ETV6: variants seen among roughly 807,000 people sequenced by gnomAD.
The protein encoded by ETV6 is transcription factor ETV6.
A neutral mutation model predicts 51.1 loss-of-function variants in ETV6; 16 were observed. The observed-to-expected ratio is 0.31, with a 90% CI of 0.21 to 0.48. ETV6 has a LOEUF of 0.48. Ranked by LOEUF, ETV6 falls within the 20% of genes least tolerant of loss-of-function variation. The pLI, the probability that ETV6 is intolerant of heterozygous loss-of-function variation, is 0.99. For synonymous variants in ETV6, 240 were observed against 224.1 expected, an observed-to-expected ratio of 1.07 and a Z score of -0.64; for missense variants, 458 against 594.8, an observed-to-expected ratio of 0.77 and a Z score of 2.39.
At chr12:11,847,855 GA>G (rs1247422526) in intron 3 of ETV6, among the ~76,000 whole-genome samples, 1 of 152,068 alleles carries the variant, frequency 6.6e-6, no homozygotes, top group Non-Finnish European at 1.5e-5. Context: ...ATGTGGACAG[GA>G]AAAAAACTTG....
intron 4 of ETV6, among the ~76,000 whole-genome samples, chr12:11,854,641 G>A (rs574774445): frequency 2.2e-4 from 33 of 152,302 alleles, no homozygotes; most frequent in African/African-American, 7.7e-4. Context: ...ACAATGATCA[G>A]CATTTTGTCA....
chr12:11,847,328 A>G (rs61278692), intron 3 of ETV6, among the ~76,000 whole-genome samples: 2,238 of 152,290 alleles, frequency 0.015, 59 homozygotes, highest in African/African-American at 0.052. Flanking sequence ...TGGTGCCTAT[A>G]TGACCTCCAG....
chr12:11,670,132 A>G (rs1206651220), intron 1 of ETV6, among the ~76,000 whole-genome samples: 3 of 151,684 alleles, frequency 2.0e-5, no homozygotes, highest in Admixed American at 6.6e-5. Context: ...TATTCTTGTA[A>G]TTAGAGATTA....
Position 11,749,864 on chromosome 12 carries a change from A to G in ETV6, c.34-2586A>G, listed in dbSNP as rs140390669. 4.6e-4 allele frequency among the ~76,000 whole-genome samples: 70 copies of G among 152,322 alleles called. 2 individuals are homozygous for G. The highest frequency in any genetic ancestry group is 1.6e-3 in the African/African-American group (65 of 41,570). ...CTACTAGAAGAGTGCTCGGGGCCCT[A>G]GAAGCACATTGTGCATTTGTCCGTC... On this transcript the variant is annotated intron_variant, in intron 1 of 7. Transcript: ENST00000396373.
rs1212820866 is a variant in ETV6 at position 11,894,135 on chromosome 12, C to CTCAA, written c.*3093_*3096dup. 1 of 230,906 alleles carries CTCAA rather than the reference C, an allele frequency of 4.3e-6. No homozygotes were observed. Among genetic ancestry groups the CTCAA allele is most frequent in the African/African-American group, 2.2e-5 (1 of 45,170 alleles). 14.3% of individuals were successfully genotyped at this position (230,906 alleles called of 1,614,324 possible). A position where few individuals can be genotyped will look rare whatever the true frequency, so the allele number is the denominator to read the frequency against. On this transcript the variant is annotated 3_prime_UTR_variant, in exon 8 of 8. Transcript: ENST00000396373. ...CTGCTGGACACTGAGGGACCCAAAGCTCAATCAGCCATAATCCCTGCTTTC... is the reference window on the plus strand; with the variant it reads ...CTGCTGGACACTGAGGGACCCAAAGCTCAATCAATCAGCCATAATCCCTGCTTTC...
intron 1 of ETV6, 104 bp from the exon 2 acceptor site, chr12:11,752,346 C>A (rs1866046834): frequency 8.1e-7 from 1 of 1,237,212 alleles, no homozygotes; most frequent in Non-Finnish European, 1.1e-6. Context: ...ACTGCCCATG[C>A]CCCGCCTCCC....
chr12:11,799,679 C>T (rs1055045192), intron 2 of ETV6, among the ~76,000 whole-genome samples: 4 of 152,206 alleles, frequency 2.6e-5, no homozygotes, highest in Non-Finnish European at 4.4e-5. Context: ...ATGAAGTCCT[C>T]GTTAATACCT....
chr12:11,707,613 A>G (rs1422761951), intron 1 of ETV6, among the ~76,000 whole-genome samples: 1 of 152,206 alleles, frequency 6.6e-6, no homozygotes, highest in Non-Finnish European at 1.5e-5. Context: ...GTATGGAAAG[A>G]ATGATTTTCT....
At chr12:11,756,979 G>T (rs1241290070) in intron 2 of ETV6, among the ~76,000 whole-genome samples, 1 of 152,144 alleles carries the variant, frequency 6.6e-6, no homozygotes, top group African/African-American at 2.4e-5. Context: ...TGTGCATTTT[G>T]CAGTGTCCAT....
At chr12:11,688,785 A>G (rs1379039134) in intron 1 of ETV6, among the ~76,000 whole-genome samples, 1 of 152,206 alleles carries the variant, frequency 6.6e-6, no homozygotes, top group Non-Finnish European at 1.5e-5. Context: ...TCTGGGTCCC[A>G]GGGGCTGCTT....
intron 1 of ETV6, among the ~76,000 whole-genome samples, chr12:11,685,991 C>A (rs2120766722): frequency 6.6e-6 from 1 of 152,166 alleles, no homozygotes; most frequent in East Asian, 1.9e-4. Flanking sequence ...ACAAGAAAAT[C>A]TTCAGGGTTA....
intron 2 of ETV6, among the ~76,000 whole-genome samples, chr12:11,824,257 G>C (rs1946122235): frequency 6.6e-6 from 1 of 152,200 alleles, no homozygotes; most frequent in East Asian, 1.9e-4. Context: ...ACTTTTGGTA[G>C]CCTTTGGAAC....
intron 2 of ETV6, among the ~76,000 whole-genome samples, chr12:11,832,418 C>T (rs1591706435): frequency 6.6e-6 from 1 of 152,168 alleles, no homozygotes; most frequent in East Asian, 1.9e-4. Context: ...GTCGAGAACT[C>T]AGAGGGGTGA....
intron 5 of ETV6, among the ~76,000 whole-genome samples, chr12:11,879,463 A>G (rs988547808): frequency 3.3e-5 from 5 of 152,312 alleles, no homozygotes; most frequent in South Asian, 2.1e-4. Context: ...TCTCTGCTCA[A>G]TAAGTTTATA....
chr12:11,658,279 A>T (rs965834154), intron 1 of ETV6, among the ~76,000 whole-genome samples: 11 of 152,204 alleles, frequency 7.2e-5, no homozygotes, highest in Non-Finnish European at 1.2e-4. Flanking sequence ...TCTGTCACCC[A>T]GGCTGGAGTG....
chr12:11,830,980 A>C (rs919791411), intron 2 of ETV6, among the ~76,000 whole-genome samples: 46 of 152,194 alleles, frequency 3.0e-4, no homozygotes, highest in African/African-American at 1.1e-3. Context: ...ACTTAAGACA[A>C]ATTTTTAAAA....
chr12:11,658,107 C>G (rs1211654834), intron 1 of ETV6, among the ~76,000 whole-genome samples: 1 of 152,184 alleles, frequency 6.6e-6, no homozygotes, highest in Non-Finnish European at 1.5e-5. Flanking sequence ...GTGCTTTATA[C>G]TGTTAAAAAG....
intron 1 of ETV6, among the ~76,000 whole-genome samples, chr12:11,714,592 C>T (rs1165212666): frequency 1.6e-5 from 2 of 126,490 alleles, no homozygotes; most frequent in East Asian, 5.0e-4. Context: ...GGAAAAAGCA[C>T]AACTTATAGT....
intron 4 of ETV6, among the ~76,000 whole-genome samples, chr12:11,863,170 G>GT (rs1451418644): frequency 6.6e-6 from 1 of 152,154 alleles, no homozygotes; most frequent in Non-Finnish European, 1.5e-5. Context: ...ACTAAAGGCA[G>GT]TTTTTTGTCT....
Sources: allele counts gnomAD v4.1 joint callset (sites outside exome capture counted in the v4.1 genomes callset), GRCh38; gene constraint gnomAD v4.1.1; transcripts MANE v1.5; gene names NCBI Gene and HGNC (gene_info 2026-07-23, HGNC 2026-07-21).